The following ILDR1 variants were observed in gnomAD, a reference collection of about 807,000 sequenced individuals.
ILDR1 encodes the protein immunoglobulin like domain containing receptor 1.
In ILDR1, 56 loss-of-function variants were observed where a neutral mutation model predicts 62.4. That is an observed-to-expected ratio of 0.90 (90% CI 0.72 to 1.12). The LOEUF (loss-of-function observed/expected upper bound fraction) is 1.12. ILDR1 is among the 50% of genes most tolerant of loss of function. ILDR1 has a pLI of 0.00. For synonymous variants in ILDR1, 284 were observed against 277.8 expected (o/e 1.02, Z -0.22); for missense variants, 736 against 710.6 (o/e 1.04, Z -0.41).
intron 6 of ILDR1, 49 bp from the exon 7 acceptor site, chr3:121,994,019 C>T (rs2071400067): frequency 6.4e-7 from 1 of 1,569,518 alleles, no homozygotes; most frequent in African/African-American, 1.3e-5. Flanking sequence ...CCAAAACATA[C>T]ACCTCAGAAT....
rs1213697339 is a variant in ILDR1 at position 121,987,733 on chromosome 3, A to G, written c.*634T>C. 2 of 158,528 alleles carry G rather than the reference A, an allele frequency of 1.3e-5. No homozygotes were observed. The highest frequency in any genetic ancestry group is 2.8e-5 in the Non-Finnish European group (2 of 71,904). The allele number at this position is 158,528 out of a possible 1,614,324, so 9.8% of individuals were successfully genotyped here. A position where few individuals can be genotyped will look rare whatever the true frequency, so the allele number is the denominator to read the frequency against. On this transcript the variant is annotated 3_prime_UTR_variant, in exon 8 of 8. Transcript: ENST00000344209. ...CCAAGTTCTCATTTTGAGAATGGCC[A>G]GGGTTCTGGGCAGTGTAGTCTACTG...
At position 122,005,322 on chromosome 3, in the gene ILDR1, T is replaced by C. The variant is rs768550372; in HGVS notation, c.301A>G (p.Ile101Val). The C allele has an allele frequency of 6.2e-7, 1 of 1,613,472 alleles. No homozygotes were observed. The highest frequency in any genetic ancestry group is 8.5e-7 in the Non-Finnish European group (1 of 1,179,740). The part of the protein sequence containing the change: ...DCNDNQREVR[I>V]VAQRRGQNEP... The stretch of plus-strand genomic sequence containing the variant: ...TTCTGCCCCCGCCGCTGGGCCACTA[T>C]GCGAACTTCCCGCTGGTTGTCGTTG... The change falls in exon 3 of 8, where the codon ATA becomes GTA. Residue 101 changes from isoleucine to valine, a missense_variant. Ile to Val is a conservative substitution (Grantham distance 29). Transcript: ENST00000344209.
At chr3:122,027,050 T>G (rs1273241103), upstream of ILDR1, among the ~76,000 whole-genome samples, 2 of 152,182 alleles carry the variant, frequency 1.3e-5, no homozygotes, top group Non-Finnish European at 2.9e-5. Context: ...ATAAATCTAT[T>G]AAGTAACTAG....
chr3:122,025,651 C>G (rs938245646), upstream of ILDR1, among the ~76,000 whole-genome samples: 1 of 152,154 alleles, frequency 6.6e-6, no homozygotes, highest in Non-Finnish European at 1.5e-5. Context: ...TTTCTGAATA[C>G]TATATATGTG....
chr3:122,044,578 A>T, the ILDR1 span, among the ~76,000 whole-genome samples: 1 of 151,382 alleles, frequency 6.6e-6, no homozygotes, highest in African/African-American at 2.4e-5. Context: ...ACTATTGATT[A>T]TTGCCACAAT....
chr3:122,041,567 T>G, the ILDR1 span, among the ~76,000 whole-genome samples: 1 of 152,214 alleles, frequency 6.6e-6, no homozygotes, highest in Non-Finnish European at 1.5e-5. Context: ...TTTATCTTTG[T>G]CTTCTTAATT....
At chr3:122,007,567 A>C (rs2071634271) in intron 1 of ILDR1, among the ~76,000 whole-genome samples, 1 of 152,182 alleles carries the variant, frequency 6.6e-6, no homozygotes, top group African/African-American at 2.4e-5. Flanking sequence ...CTCCCTAACC[A>C]GGCCTACGAA....
the ILDR1 span, among the ~76,000 whole-genome samples, chr3:122,042,781 A>T: frequency 1.3e-5 from 2 of 151,820 alleles, no homozygotes; most frequent in African/African-American, 2.4e-5. Context: ...TTTCTTGTAA[A>T]TTTGTCTGAG....
intron 1 of ILDR1, among the ~76,000 whole-genome samples, chr3:122,014,889 CA>C (rs988566261): frequency 1.3e-5 from 2 of 152,184 alleles, no homozygotes; most frequent in Non-Finnish European, 2.9e-5. Flanking sequence ...TGGGGTTTCC[CA>C]AAGTCATTCA....
At chr3:121,995,949 C>T (rs2071430464) in intron 5 of ILDR1, among the ~76,000 whole-genome samples, 1 of 152,176 alleles carries the variant, frequency 6.6e-6, no homozygotes, top group East Asian at 1.9e-4. Flanking sequence ...TTGTGTGCCG[C>T]ACCGCCAAGT....
chr3:121,998,590 G>C (rs1362768013), intron 5 of ILDR1, among the ~76,000 whole-genome samples: 1 of 152,150 alleles, frequency 6.6e-6, no homozygotes, highest in African/African-American at 2.4e-5. Context: ...TTACTAATAA[G>C]TGGTGCACTT....
the ILDR1 span, among the ~76,000 whole-genome samples, chr3:122,040,973 A>G: frequency 6.6e-6 from 1 of 152,228 alleles, no homozygotes; most frequent in Non-Finnish European, 1.5e-5. Flanking sequence ...TGAAAAGACA[A>G]GACACAGACT....
rs1386288963 is a variant in ILDR1 at position 122,011,267 on chromosome 3, G to C, written c.59-4106C>G. Among the ~76,000 whole-genome samples, 5 of 152,234 alleles carry C rather than the reference G, an allele frequency of 3.3e-5. No individual in the cohort carries two copies. The East Asian group carries it at 7.7e-4, about 23-fold the overall frequency. On this transcript the variant is annotated intron_variant, in intron 1 of 7. Coordinates refer to ENST00000344209, the MANE Select transcript of ILDR1 (RefSeq NM_001199799.2). ...ATTTGGGAGCAGGGAGACCAGGTTT[G>C]CTGGGGGTCAGAAAAAGGAATTTGG...
At chr3:122,029,533 T>TATATATATA in the ILDR1 span, among the ~76,000 whole-genome samples, 9 of 148,700 alleles carry the variant, frequency 6.1e-5, no homozygotes, top group African/African-American at 9.9e-5. Context: ...TATATATATA[T>TATATATATA]TTAGGGGAAT....
At chr3:122,060,986 A>G in the ILDR1 span, among the ~76,000 whole-genome samples, 1 of 152,222 alleles carries the variant, frequency 6.6e-6, no homozygotes, top group South Asian at 2.1e-4. Context: ...TTTCTTAGAA[A>G]GCTTTGAGTC....
rs189665738 is a variant in ILDR1, at chr3:121,994,673, A to C, written c.647-360T>G. 4.6e-5 allele frequency among the ~76,000 whole-genome samples: 7 copies of C among 152,352 alleles called. No homozygotes were observed. In the East Asian group the frequency reaches 1.2e-3, roughly 25 times the overall value. ...AATAAGTGGGCCATAGGCCAATAAA[A>C]CTAGAAGCCAAAGGCCAGAAACAGA... On this transcript the variant is annotated intron_variant, in intron 5 of 7. Coordinates refer to ENST00000344209, the MANE Select transcript of ILDR1 (RefSeq NM_001199799.2).
intron 7 of ILDR1, among the ~76,000 whole-genome samples, chr3:121,991,305 A>AT (rs1439326162): frequency 6.6e-6 from 1 of 152,242 alleles, no homozygotes; most frequent in Admixed American, 6.5e-5. Context: ...AAGTCACATA[A>AT]TTTAACTTAC....
the ILDR1 span, among the ~76,000 whole-genome samples, chr3:122,041,136 A>G: frequency 6.6e-6 from 1 of 152,260 alleles, no homozygotes; most frequent in East Asian, 1.9e-4. Flanking sequence ...GAAGATATGC[A>G]GATGGCAAAT....
At chr3:121,993,054 G>A in intron 7 of ILDR1, 96 bp downstream of exon 7, 1 of 1,025,092 alleles carries the variant, frequency 9.8e-7, no homozygotes, top group Non-Finnish European at 1.5e-6. Context: ...ACCCTCTGTG[G>A]TGGAATGAGA....
Sources: gnomAD v4.1 joint callset for allele counts (sites outside exome capture counted in the v4.1 genomes callset) on GRCh38, gnomAD v4.1.1 for gene constraint, MANE v1.5 for transcripts, NCBI Gene and HGNC (gene_info 2026-07-23, HGNC 2026-07-21) for gene names.